PTPRR: variants seen among roughly 807,000 people sequenced by gnomAD.
PTPRR encodes protein tyrosine phosphatase receptor type R, also known as receptor-type tyrosine-protein phosphatase R.
PTPRR carries 38 observed loss-of-function variants against 77.2 expected under a neutral mutation model. The observed-to-expected ratio is 0.49, with a 90% confidence interval of 0.38 to 0.65. The LOEUF (loss-of-function observed/expected upper bound fraction) is 0.65. Among genes scored for constraint, PTPRR ranks in the 30% least tolerant of loss-of-function variants. The pLI is 0.00. For synonymous variants in PTPRR, 299 were observed against 283.1 expected, an observed-to-expected ratio of 1.06 and a Z score of -0.57; for missense variants, 744 against 799.2, an observed-to-expected ratio of 0.93 and a Z score of 0.83.
intron 1 of PTPRR, among the ~76,000 whole-genome samples, chr12:70,906,598 T>C (rs1297317965): frequency 6.6e-6 from 1 of 152,074 alleles, no homozygotes; most frequent in Non-Finnish European, 1.5e-5. Context: ...CAATGTTAGT[T>C]AGGATAACCT....
intron 2 of PTPRR, among the ~76,000 whole-genome samples, chr12:70,787,392 T>C (rs1379507338): frequency 2.0e-5 from 3 of 152,168 alleles, no homozygotes; most frequent in South Asian, 2.1e-4. Flanking sequence ...GCAATAGCAA[T>C]TTTTAAAATT....
At chr12:70,669,522 C>CTA (rs1163177540) in intron 10 of PTPRR, among the ~76,000 whole-genome samples, 9 of 133,700 alleles carry the variant, frequency 6.7e-5, no homozygotes, top group South Asian at 4.8e-4. Flanking sequence ...TATATATAAG[C>CTA]TATATATATA....
chr12:70,694,869 GATGT>G (rs1888177289), intron 8 of PTPRR, among the ~76,000 whole-genome samples: 2 of 152,118 alleles, frequency 1.3e-5, no homozygotes, highest in South Asian at 2.1e-4. Context: ...ATTTTCTATT[GATGT>G]ATGATTATTA....
intron 2 of PTPRR, among the ~76,000 whole-genome samples, chr12:70,774,295 C>T (rs1420909793): frequency 1.3e-5 from 2 of 152,144 alleles, no homozygotes; most frequent in African/African-American, 4.8e-5. Context: ...AACCCACAAG[C>T]CCCCTCAAGG....
At chr12:70,733,688 G>A (rs1849689495) in intron 6 of PTPRR, among the ~76,000 whole-genome samples, 1 of 151,962 alleles carries the variant, frequency 6.6e-6, no homozygotes, top group South Asian at 2.1e-4. Flanking sequence ...AAATGGGAAC[G>A]ACACTTTAAA....
intron 5 of PTPRR, among the ~76,000 whole-genome samples, chr12:70,749,845 ATCTC>A (rs1266895196): frequency 2.0e-5 from 3 of 152,222 alleles, no homozygotes; most frequent in Non-Finnish European, 4.4e-5. Flanking sequence ...GCCTGTAGAC[ATCTC>A]TAGCTATATT....
chr12:70,728,719 A>G (rs1421829119), intron 6 of PTPRR, among the ~76,000 whole-genome samples: 3 of 151,692 alleles, frequency 2.0e-5, no homozygotes, highest in African/African-American at 7.3e-5. Context: ...GTACTGACAG[A>G]TGGCTTCCTT....
intron 6 of PTPRR, among the ~76,000 whole-genome samples, chr12:70,742,108 T>A (rs1435526932): frequency 1.3e-5 from 2 of 152,090 alleles, no homozygotes; most frequent in African/African-American, 4.8e-5. Flanking sequence ...ACCAAAGAGA[T>A]AATGGACATT....
Position 70,766,415 on chromosome 12 carries a change from T to C in PTPRR, c.358-1637A>G, listed in dbSNP as rs867730244. Among the ~76,000 whole-genome samples the C allele has an allele frequency of 2.0e-4, 31 of 151,960 alleles. 1 individual carries two copies. In the Middle Eastern group the frequency reaches 0.01, roughly 50 times the overall value. On this transcript the variant is annotated intron_variant, in intron 2 of 13. Transcript: ENST00000283228. Reference sequence around the variant, plus strand: ...AATCAACTGGAAGAAAGGGTATCAGTGATGGAAGATGAAATGAATGAAATT... The same window carrying C: ...AATCAACTGGAAGAAAGGGTATCAGCGATGGAAGATGAAATGAATGAAATT...
At chr12:70,803,574 C>T (rs185276655) in intron 2 of PTPRR, among the ~76,000 whole-genome samples, 108 of 152,284 alleles carry the variant, frequency 7.1e-4, no homozygotes, top group African/African-American at 2.5e-3. Context: ...CTGGTAGCTT[C>T]CCATACAGTT....
intron 10 of PTPRR, chr12:70,672,259 T>G (rs1566058319): frequency 6.3e-7 from 1 of 1,592,898 alleles, no homozygotes; most frequent in Admixed American, 1.7e-5. Context: ...TGGGCATGAA[T>G]TATGTGGACC....
intron 2 of PTPRR, among the ~76,000 whole-genome samples, chr12:70,778,514 T>C (rs540283938): frequency 1.3e-5 from 2 of 152,234 alleles, no homozygotes; most frequent in East Asian, 1.9e-4. Flanking sequence ...ACACTAATTA[T>C]GCAACTATAT....
intron 6 of PTPRR, among the ~76,000 whole-genome samples, chr12:70,702,149 T>G (rs76469777): frequency 0.016 from 2,371 of 152,242 alleles, 57 homozygotes; most frequent in African/African-American, 0.04. Flanking sequence ...ACAATTTATC[T>G]TCCTCTCATA....
chr12:70,847,453 G>T (rs1892504386), intron 2 of PTPRR, among the ~76,000 whole-genome samples: 1 of 151,966 alleles, frequency 6.6e-6, no homozygotes, highest in South Asian at 2.1e-4. Context: ...TATTTTTTCT[G>T]CTTGTATTAT....
intron 2 of PTPRR, among the ~76,000 whole-genome samples, chr12:70,873,831 T>C (rs1461086933): frequency 3.3e-5 from 5 of 152,158 alleles, no homozygotes; most frequent in Admixed American, 2.6e-4. Context: ...TTTGGGACAC[T>C]CTAAAAATCA....
At chr12:70,821,661 C>T (rs1431351601) in intron 2 of PTPRR, among the ~76,000 whole-genome samples, 3 of 150,726 alleles carry the variant, frequency 2.0e-5, no homozygotes, top group Admixed American at 6.6e-5. Flanking sequence ...TATGTATGTA[C>T]GTATGTATTT....
At chr12:70,838,302 G>C (rs1435374968) in intron 2 of PTPRR, among the ~76,000 whole-genome samples, 1 of 152,154 alleles carries the variant, frequency 6.6e-6, no homozygotes, top group East Asian at 1.9e-4. Flanking sequence ...CATATTTACA[G>C]TCTAACATGG....
chr12:70,788,654 CT>C (rs2137007209), intron 2 of PTPRR, among the ~76,000 whole-genome samples: 1 of 152,238 alleles, frequency 6.6e-6, no homozygotes, highest in African/African-American at 2.4e-5. Context: ...TAATTTCAGA[CT>C]TTTAGGCTAA....
chr12:70,860,724 T>C (rs574629218), intron 2 of PTPRR, among the ~76,000 whole-genome samples: 11 of 152,222 alleles, frequency 7.2e-5, no homozygotes, highest in African/African-American at 2.6e-4. Flanking sequence ...ATATACAACA[T>C]AGACTAGTCA....
Sources: gnomAD v4.1 joint callset for allele counts (sites outside exome capture counted in the v4.1 genomes callset) on GRCh38, gnomAD v4.1.1 for gene constraint, MANE v1.5 for transcripts, NCBI Gene and HGNC (gene_info 2026-07-23, HGNC 2026-07-21) for gene names.